AKAP9: variants seen among roughly 807,000 people sequenced by gnomAD.
The protein encoded by AKAP9 is A-kinase anchoring protein 9, also known as A-kinase anchor protein 9.
Under a neutral mutation model 488.5 loss-of-function variants are expected in AKAP9, and 311 were observed. That is an observed-to-expected ratio of 0.64 (90% CI 0.58 to 0.70). The LOEUF is 0.70. Among genes scored for constraint, AKAP9 ranks in the 30% least tolerant of loss-of-function variants. The pLI is 0.00. For missense variants in AKAP9, 4,215 were observed against 4,374.5 expected (o/e 0.96, Z 1.03); for synonymous variants, 1,462 against 1,483.5 (o/e 0.99, Z 0.33).
chr7:92,097,367 C>T lies in AKAP9; in HGVS notation c.10398+10C>T. 6.2e-7 allele frequency: 1 copy of T among 1,611,828 alleles called. No homozygotes were observed. Among genetic ancestry groups the T allele is most frequent in the African/African-American group, 1.3e-5 (1 of 74,958 alleles). On this transcript the variant is annotated intron_variant, in intron 41 of 49. Coordinates refer to ENST00000356239, the MANE Select transcript of AKAP9 (RefSeq NM_005751.5). ...TCAGAACCTTAATGAGGTAAACTGA[C>T]AGTTTCTTTTTAGATATTTTTAAGG...
chr7:92,045,139 C>T lies in AKAP9; in HGVS notation c.5294C>T (p.Ser1765Leu). 6.2e-7 allele frequency: 1 copy of T among 1,613,678 alleles called. No individual in the cohort carries two copies. The stretch of plus-strand genomic sequence containing the variant: ...CTAGATAGATCTAGTAAAAGCCAGT[C>T]ATCTGCCAGCCTAATTTGGAGGTCA... ...GILDRSSKSQ[S>L]SASLIWRSEA... Residue 1765 changes from serine to leucine, a missense_variant, in exon 21 of 50, where the codon TCA (serine) becomes TTA (leucine). Around this residue, in one of 5 missense-constraint regions of AKAP9, gnomAD observed 2,361 missense variants for 2,430.0 expected, o/e 0.97. Transcript: ENST00000356239.
intron 1 of AKAP9, 35 bp from the exon 2 acceptor site, chr7:91,973,676 T>C: frequency 1.2e-6 from 2 of 1,605,566 alleles, no homozygotes; most frequent in Non-Finnish European, 8.5e-7. Context: ...AGAAAAATTA[T>C]CTTTGACAAT....
At position 92,001,416 on chromosome 7, in the gene AKAP9, TA is replaced by T; in HGVS notation, c.1503del (p.Lys501AsnfsTer16). 1 of 1,613,774 alleles carries T rather than the reference TA, an allele frequency of 6.2e-7. No individual in the cohort carries two copies. Among genetic ancestry groups the T allele is most frequent in the Middle Eastern group, 1.6e-4 (1 of 6,062 alleles). On this transcript the variant is annotated frameshift_variant, in exon 8 of 50. Coordinates refer to ENST00000356239, the MANE Select transcript of AKAP9 (RefSeq NM_005751.5). LOFTEE classifies it high-confidence loss of function. ...AATGTGGCAATAAATGAACTGAATA[TA>T]AAATTGCAAGATACTAACTCTCAAA... ...LMNVAINELN[I>X]KLQDTNSQKE...
In AKAP9 at chr7:92,042,153, T is replaced by G; in HGVS notation, c.5025T>G (p.Cys1675Trp). The change falls in exon 19 of 50, where the codon TGT (cysteine) becomes TGG (tryptophan). Residue 1675 changes from cysteine (C) to tryptophan (W), a missense_variant. Transcript: ENST00000356239. ...QLSLAGREKL[C>W]CELRNSSTQT... ...CTTTAGCTGGAAGAGAGAAGCTGTG[T>G]TGTGAGCTGCGCAACAGCAGTACGC... 1 of 1,613,974 alleles carries G rather than the reference T, an allele frequency of 6.2e-7. No homozygotes were observed. Among genetic ancestry groups the G allele is most frequent in the Non-Finnish European group, 8.5e-7 (1 of 1,179,900 alleles).
intron 1 of AKAP9, among the ~76,000 whole-genome samples, chr7:91,962,347 C>T (rs1025077022): frequency 6.6e-6 from 1 of 151,932 alleles, no homozygotes; most frequent in African/African-American, 2.4e-5. Context: ...TGCTTTTTGT[C>T]TTTTGGTGGA....
chr7:92,087,822 G>A (rs903010051), intron 37 of AKAP9, among the ~76,000 whole-genome samples: 3 of 151,404 alleles, frequency 2.0e-5, no homozygotes, highest in Non-Finnish European at 4.4e-5. Flanking sequence ...TTAAATGATA[G>A]TGACAAATTA....
chr7:92,057,168 T>C (rs1392597003), intron 22 of AKAP9, among the ~76,000 whole-genome samples: 2 of 152,034 alleles, frequency 1.3e-5, no homozygotes, highest in Non-Finnish European at 1.5e-5. Context: ...GTAAACAATA[T>C]GAAAATAGGT....
At chr7:92,046,153 C>T (rs1316729076) in intron 21 of AKAP9, among the ~76,000 whole-genome samples, 3 of 152,066 alleles carry the variant, frequency 2.0e-5, no homozygotes. Context: ...TATTTCTTCC[C>T]ATCACATTGC....
intron 1 of AKAP9, among the ~76,000 whole-genome samples, chr7:91,963,343 A>G (rs1793969432): frequency 6.6e-6 from 1 of 152,198 alleles, no homozygotes; most frequent in Non-Finnish European, 1.5e-5. Flanking sequence ...TTTATATCCT[A>G]CTAGGCTAGT....
At position 92,045,160 on chromosome 7, in the gene AKAP9, G is replaced by A. The variant is rs779429728; in HGVS notation, c.5315G>A (p.Arg1772Lys). The change falls in exon 21 of 50, where the codon AGG becomes AAG. Residue 1772 changes from arginine (R) to lysine (K), a missense_variant. Arg to Lys is a conservative substitution (Grantham distance 26, BLOSUM62 2). Around this residue, in one of 5 missense-constraint regions of AKAP9, gnomAD observed 2,361 missense variants for 2,430.0 expected, o/e 0.97. Coordinates refer to ENST00000356239, the MANE Select transcript of AKAP9 (RefSeq NM_005751.5). ...CAGTCATCTGCCAGCCTAATTTGGA[G>A]GTCAGAAGCAGAGGCATCTGTAAAG... ...KSQSSASLIW[R>K]SEAEASVKSC... The A allele has an allele frequency of 6.2e-7, 1 of 1,613,602 alleles. No individual in the cohort carries two copies. Among genetic ancestry groups the A allele is most frequent in the East Asian group, 2.2e-5 (1 of 44,850 alleles).
intron 14 of AKAP9, among the ~76,000 whole-genome samples, chr7:92,024,320 G>A (rs1170755291): frequency 2.0e-5 from 3 of 151,526 alleles, no homozygotes; most frequent in Non-Finnish European, 4.4e-5. Flanking sequence ...GCTGAGGCAC[G>A]AGAATCACTT....
chr7:92,048,736 G>A (rs1363818079), intron 21 of AKAP9, among the ~76,000 whole-genome samples: 4 of 152,104 alleles, frequency 2.6e-5, no homozygotes, highest in Admixed American at 6.6e-5. Context: ...GTGAAACCCC[G>A]TCTCTACTAA....
At chr7:91,956,779 C>T (rs906496081) in intron 1 of AKAP9, among the ~76,000 whole-genome samples, 9 of 152,072 alleles carry the variant, frequency 5.9e-5, no homozygotes, top group African/African-American at 1.7e-4. Context: ...GACTGAAAAA[C>T]GTGCTCTAAA....
chr7:92,019,353 G>C (rs1801994498), intron 12 of AKAP9, among the ~76,000 whole-genome samples: 1 of 151,758 alleles, frequency 6.6e-6, no homozygotes, highest in African/African-American at 2.4e-5. Flanking sequence ...TGTTGACCAG[G>C]CTGGTCTCGA....
intron 22 of AKAP9, chr7:92,058,081 G>A (rs1029831462): frequency 2.8e-5 from 14 of 496,940 alleles, no homozygotes; most frequent in African/African-American, 2.7e-4. Context: ...TACTGCTATG[G>A]TAGATCTTGA....
chr7:92,061,584 C>CTATATATATATATATATATATAGATATA (rs1809808180), intron 23 of AKAP9, among the ~76,000 whole-genome samples, 162 bp downstream of exon 23: 1 of 102,472 alleles, frequency 9.8e-6, no homozygotes, highest in Admixed American at 1.1e-4. Flanking sequence ...ATTTTTAAAA[C>CTATATATATATATATATATATAGATATA]TATATATATA....
intron 48 of AKAP9, among the ~76,000 whole-genome samples, chr7:92,108,154 A>G (rs923339285): frequency 6.6e-6 from 1 of 152,204 alleles, no homozygotes; most frequent in Admixed American, 6.5e-5. Flanking sequence ...AGTGTATGCT[A>G]TGGTTAGATA....
At chr7:92,065,031 TTAA>T (rs1168044263) in intron 24 of AKAP9, among the ~76,000 whole-genome samples, 197 bp from the exon 25 acceptor site, 13 of 152,120 alleles carry the variant, frequency 8.5e-5, no homozygotes, top group Admixed American at 2.0e-4. Context: ...TATAATTTTA[TTAA>T]TAATTGCTTG....
intron 39 of AKAP9, among the ~76,000 whole-genome samples, 168 bp from the exon 40 acceptor site, chr7:92,094,855 A>G (rs540060265): frequency 4.6e-5 from 7 of 152,256 alleles, no homozygotes; most frequent in Non-Finnish European, 1.0e-4. Context: ...AAAAAAAAGA[A>G]AGAGTTAATT....
Sources: allele counts gnomAD v4.1 joint callset (sites outside exome capture counted in the v4.1 genomes callset), GRCh38; gene constraint gnomAD v4.1.1; regional missense constraint gnomAD v4.1.1; transcripts MANE v1.5; gene names NCBI Gene and HGNC (gene_info 2026-07-23, HGNC 2026-07-21).